Variants in TRAM1 observed in about 807,000 individuals in gnomAD.
TRAM1 encodes the protein translocating chain-associated membrane protein 1.
TRAM1 carries 17 observed loss-of-function variants against 48.7 expected under a neutral mutation model. The ratio of observed to expected loss-of-function variants is 0.35; its 90% CI spans 0.24 to 0.52. The LOEUF (loss-of-function observed/expected upper bound fraction) is 0.52. Ranked by LOEUF, TRAM1 falls within the 20% of genes least tolerant of loss-of-function variation. The pLI, the probability that TRAM1 is intolerant of heterozygous loss-of-function variation, is 0.94. For missense variants in TRAM1, 351 were observed against 441.5 expected, an observed-to-expected ratio of 0.79 and a Z score of 1.84; for synonymous variants, 182 against 154.0, an observed-to-expected ratio of 1.18 and a Z score of -1.34.
In TRAM1 at chr8:70,608,387, C is replaced by A; in HGVS notation, c.-188G>T. ...GCCGCCCGGGGGAAAAAAAAAAACA[C>A]AACAGCTAGCCCGCAGCGGGGGCGA... On this transcript the variant is annotated 5_prime_UTR_variant, in exon 1 of 11. Transcript: ENST00000262213. 9.1e-6 allele frequency: 5 copies of A among 550,770 alleles called. No individual in the cohort carries two copies. The highest frequency in any genetic ancestry group is 1.4e-5 in the Non-Finnish European group (5 of 345,822). The allele number at this position is 550,770 out of a possible 1,614,324, so 34.1% of individuals were successfully genotyped here.
At position 70,573,594 on chromosome 8, in the gene TRAM1, G is replaced by A. The variant is rs1459737239; in HGVS notation, c.*1338C>T. 1 of 152,546 alleles carries A rather than the reference G, an allele frequency of 6.6e-6. No individual in the cohort carries two copies. Among genetic ancestry groups the A allele is most frequent in the Non-Finnish European group, 1.5e-5 (1 of 68,022 alleles). The allele number at this position is 152,546 out of a possible 1,614,324, so 9.4% of individuals were successfully genotyped here. ...CAGGAAGTAGGTTAACAGCTAGAAAGAAAAAGGACAATTTCCTAGCAGCAT... is the reference window on the plus strand; with the variant it reads ...CAGGAAGTAGGTTAACAGCTAGAAAAAAAAAGGACAATTTCCTAGCAGCAT... On this transcript the variant is annotated 3_prime_UTR_variant, in exon 11 of 11. Coordinates refer to ENST00000262213, the MANE Select transcript of TRAM1 (RefSeq NM_014294.6).
chr8:70,585,342 A>G (rs1817186780), intron 8 of TRAM1, among the ~76,000 whole-genome samples: 1 of 152,072 alleles, frequency 6.6e-6, no homozygotes, highest in Non-Finnish European at 1.5e-5. Flanking sequence ...AACCTAGGCA[A>G]TACCATTCAG....
chr8:70,607,932 G>A (rs1308555036), intron 1 of TRAM1, 145 bp downstream of exon 1: 1 of 1,020,726 alleles, frequency 9.8e-7, no homozygotes, highest in Non-Finnish European at 1.3e-6. Context: ...GGCAGGGAAG[G>A]CCTGCACCTC....
chr8:70,582,964 G>A (rs1817112954), intron 10 of TRAM1, among the ~76,000 whole-genome samples, 200 bp downstream of exon 10: 2 of 152,228 alleles, frequency 1.3e-5, no homozygotes, highest in Admixed American at 1.3e-4. Flanking sequence ...GACAGCTTTT[G>A]AGGGGAGTAA....
At chr8:70,583,424 T>G in intron 9 of TRAM1, 100 bp from the exon 10 acceptor site, 1 of 1,370,032 alleles carries the variant, frequency 7.3e-7, no homozygotes, top group Non-Finnish European at 9.8e-7. Flanking sequence ...TCCCACTCAG[T>G]TGAGAAAATT....
chr8:70,607,832 G>T, intron 1 of TRAM1: 1 of 341,680 alleles, frequency 2.9e-6, no homozygotes. Context: ...GCGACGCGGC[G>T]GTCCCCACCC....
chr8:70,592,818 G>T (rs1817397103), intron 6 of TRAM1, among the ~76,000 whole-genome samples: 2 of 152,222 alleles, frequency 1.3e-5, no homozygotes, highest in South Asian at 4.1e-4. Context: ...TCATGGAAAT[G>T]TTCCATATCT....
chr8:70,593,233 G>A (rs1034511973), intron 6 of TRAM1, among the ~76,000 whole-genome samples: 3 of 152,006 alleles, frequency 2.0e-5, no homozygotes, highest in Non-Finnish European at 4.4e-5. Flanking sequence ...AGTAACGACA[G>A]ATACACAGAA....
At chr8:70,583,073 GACA>G (rs1817115143) in intron 10 of TRAM1, 88 bp downstream of exon 10, 8 of 1,375,932 alleles carry the variant, frequency 5.8e-6, no homozygotes, top group Non-Finnish European at 5.9e-6. Context: ...TTCTTTATAA[GACA>G]CCTTAAAACT....
intron 6 of TRAM1, among the ~76,000 whole-genome samples, chr8:70,593,019 G>A (rs2132036818): frequency 6.6e-6 from 1 of 152,262 alleles, no homozygotes; most frequent in African/African-American, 2.4e-5. Flanking sequence ...ACATGGAAGG[G>A]CTACTGGAAT....
At chr8:70,594,467 T>C (rs778416033) in intron 6 of TRAM1, 39 bp downstream of exon 6, 3 of 1,509,150 alleles carry the variant, frequency 2.0e-6, no homozygotes. Context: ...AAAAAAAAAA[T>C]GACAAGACAT....
Position 70,608,312 on chromosome 8 carries a change from C to G in TRAM1, c.-113G>C. The G allele has an allele frequency of 7.2e-7, 1 of 1,381,928 alleles. No individual in the cohort carries two copies. Among genetic ancestry groups the G allele is most frequent in the Non-Finnish European group, 9.5e-7 (1 of 1,054,096 alleles). The allele number at this position is 1,381,928 out of a possible 1,614,324, so 85.6% of individuals were successfully genotyped here. A position where few individuals can be genotyped will look rare whatever the true frequency, so the allele number is the denominator to read the frequency against. ...CTGCTCCTCACGGCCCCGCTGCAGC[C>G]GCTCGCTGGGGCTTCACTTCCCATC... is the stretch of plus-strand genomic sequence containing the variant. On this transcript the variant is annotated 5_prime_UTR_variant, in exon 1 of 11. Coordinates refer to ENST00000262213, the MANE Select transcript of TRAM1 (RefSeq NM_014294.6).
At chr8:70,607,439 A>T (rs1032304317) in intron 1 of TRAM1, 1 of 985,376 alleles carries the variant, frequency 1.0e-6, no homozygotes, top group African/African-American at 1.7e-5. Context: ...AAATGAAAAC[A>T]ATCTGGCGCG....
intron 2 of TRAM1, among the ~76,000 whole-genome samples, 155 bp downstream of exon 2, chr8:70,599,864 T>A (rs1402593835): frequency 6.6e-6 from 1 of 152,212 alleles, no homozygotes; most frequent in African/African-American, 2.4e-5. Context: ...AAACATCAGA[T>A]CTTGTATTAT....
intron 10 of TRAM1, among the ~76,000 whole-genome samples, chr8:70,582,058 C>T (rs780829195): frequency 5.9e-5 from 9 of 152,026 alleles, no homozygotes; most frequent in Non-Finnish European, 1.3e-4. Context: ...TGTGAACATA[C>T]ATTAAAAATG....
chr8:70,590,798 A>G (rs1009340967), intron 6 of TRAM1, among the ~76,000 whole-genome samples: 2 of 152,252 alleles, frequency 1.3e-5, no homozygotes, highest in African/African-American at 4.8e-5. Context: ...AAAAAGGATT[A>G]TCAAGAAACC....
intron 6 of TRAM1, among the ~76,000 whole-genome samples, chr8:70,591,004 T>TAA (rs1817344908): frequency 2.1e-5 from 3 of 140,824 alleles, no homozygotes; most frequent in Non-Finnish European, 1.5e-5. Context: ...ACAACAATAA[T>TAA]AATAAAAAAA....
Position 70,598,251 on chromosome 8 carries a change from T to C in TRAM1, c.192A>G (p.Glu64=). The C allele has an allele frequency of 6.2e-7, 1 of 1,606,936 alleles. No homozygotes were observed. Residue 64 remains glutamate (E), a synonymous_variant, in exon 3 of 11, where the codon GAA becomes GAG. Transcript: ENST00000262213. ...AAAGGGACACTGATTCAGTAGCTTGTTCTTCTGAAGACCAAAAAGGACACA... is the reference window on the plus strand; with the variant it reads ...AAAGGGACACTGATTCAGTAGCTTGCTCTTCTGAAGACCAAAAAGGACACA... The part of the protein sequence containing the change: ...QYNVTLPATE[E]QATESVSLYY...
chr8:70,606,907 G>C, intron 1 of TRAM1: 1 of 984,444 alleles, frequency 1.0e-6, no homozygotes. Flanking sequence ...CATTCCATTA[G>C]GTTTTCTCAA....
Sources: allele counts gnomAD v4.1 joint callset (sites outside exome capture counted in the v4.1 genomes callset), GRCh38; gene constraint gnomAD v4.1.1; transcripts MANE v1.5; gene names NCBI Gene and HGNC (gene_info 2026-07-23, HGNC 2026-07-21).